The following CELF2 variants were observed in gnomAD, a reference collection of about 807,000 sequenced individuals.
CELF2 encodes the protein CUGBP Elav-like family member 2.
CELF2 carries 8 observed loss-of-function variants against 62.6 expected under a neutral mutation model. That is an observed-to-expected ratio of 0.13 (90% CI 0.07 to 0.23). The LOEUF (loss-of-function observed/expected upper bound fraction) is 0.23, where lower values mean the gene tolerates loss of function less well. Among genes scored for constraint, CELF2 ranks in the 10% least tolerant of loss-of-function variants. The pLI is 1.00. For missense variants in CELF2, 333 were observed against 671.0 expected (o/e 0.50, Z 5.56); for synonymous variants, 258 against 250.0 (o/e 1.03, Z -0.30).
At chr10:10,541,801 C>G in the CELF2 span, among the ~76,000 whole-genome samples, 1 of 152,110 alleles carries the variant, frequency 6.6e-6, no homozygotes, top group Non-Finnish European at 1.5e-5. Context: ...TCTTGGTGAC[C>G]TGTATCTTGT....
chr10:10,564,755 G>C, the CELF2 span, among the ~76,000 whole-genome samples: 1 of 150,058 alleles, frequency 6.7e-6, no homozygotes, highest in Non-Finnish European at 1.5e-5. Flanking sequence ...GCAAACCCAG[G>C]CTTGGGTTCC....
chr10:11,046,750 T>G lies in CELF2; in HGVS notation c.74+28587T>G, dbSNP rs894851720. ...AGAGTTTTTGTAAATCCCATGTCTTTAATCTCATTTCGCTATTTCTCAACA... is the reference window on the plus strand; with the variant it reads ...AGAGTTTTTGTAAATCCCATGTCTTGAATCTCATTTCGCTATTTCTCAACA... On this transcript the variant is annotated intron_variant, in intron 1 of 12. Coordinates refer to ENST00000633077, the MANE Select transcript of CELF2 (RefSeq NM_001326342.2). This position sits in a 1 kb window ranked among gnomAD's most constrained non-coding sequence, Gnocchi z 4.6. Among the ~76,000 whole-genome samples, 1 of 152,218 alleles carries G rather than the reference T, an allele frequency of 6.6e-6. No homozygotes were observed. Among genetic ancestry groups the G allele is most frequent in the African/African-American group, 2.4e-5 (1 of 41,464 alleles).
chr10:10,630,005 C>G, the CELF2 span, among the ~76,000 whole-genome samples: 4 of 152,060 alleles, frequency 2.6e-5, no homozygotes, highest in South Asian at 8.3e-4. Flanking sequence ...TCTGCGTTCT[C>G]CCACTTCAGA....
chr10:11,006,818 T>C lies in CELF2; in HGVS notation c.53+1378T>C, dbSNP rs542541977. On this transcript the variant is annotated intron_variant, in intron 1 of 12. Coordinates refer to the CELF2 transcript ENST00000416382. ...TTTTTGATTTATGCTTATGTCCTTA[T>C]AAAATGCCTTTCTATGCAGGGCAAA... is the stretch of plus-strand genomic sequence containing the variant. Among the ~76,000 whole-genome samples the C allele has an allele frequency of 1.1e-3, 172 of 152,376 alleles. 1 individual carries two copies. Among genetic ancestry groups the C allele is most frequent in the African/African-American group, 3.5e-3 (145 of 41,592 alleles).
intron 9 of CELF2, among the ~76,000 whole-genome samples, chr10:11,295,081 A>C (rs7089585): frequency 0.036 from 5,545 of 152,276 alleles, 361 homozygotes; most frequent in African/African-American, 0.13. Flanking sequence ...GCTTTTCTGA[A>C]AATTGTCTTC....
intron 8 of CELF2, among the ~76,000 whole-genome samples, chr10:11,275,984 T>C (rs953845948): frequency 1.3e-5 from 2 of 152,216 alleles, no homozygotes; most frequent in African/African-American, 4.8e-5. Context: ...TTTTGGCATA[T>C]TAGAACCAAG....
chr10:10,784,337 C>G, the CELF2 span: 1 of 152,428 alleles, frequency 6.6e-6, no homozygotes, highest in Non-Finnish European at 1.5e-5. Context: ...ACAGTGCTAG[C>G]CTTGTTGTCC....
intron 2 of CELF2, among the ~76,000 whole-genome samples, chr10:11,206,719 G>T (rs2060513514): frequency 6.6e-6 from 1 of 152,212 alleles, no homozygotes; most frequent in South Asian, 2.1e-4. Context: ...CTTACCTTCA[G>T]AGAAAAATAT....
the CELF2 span, among the ~76,000 whole-genome samples, chr10:10,534,989 T>A: frequency 1.3e-5 from 2 of 152,188 alleles, no homozygotes; most frequent in Non-Finnish European, 2.9e-5. Flanking sequence ...AAGAAAAAAA[T>A]GAATTTTCTG....
chr10:11,271,642 C>T (rs1444369805), intron 7 of CELF2, among the ~76,000 whole-genome samples: 1 of 152,140 alleles, frequency 6.6e-6, no homozygotes, highest in African/African-American at 2.4e-5. Flanking sequence ...AACATAAGTG[C>T]TGGACTTCAC....
At chr10:10,905,576 T>C in intron 1 of CELF2, among the ~76,000 whole-genome samples, 1 of 123,600 alleles carries the variant, frequency 8.1e-6, no homozygotes, top group African/African-American at 3.1e-5. Context: ...AACCCCCATC[T>C]CTACTTAAAA....
chr10:11,051,898 A>G (rs1049823149), intron 1 of CELF2, among the ~76,000 whole-genome samples: 1 of 136,186 alleles, frequency 7.3e-6, no homozygotes, highest in African/African-American at 2.9e-5. Flanking sequence ...TGTATTGTTA[A>G]TACTTTTTTT....
intron 1 of CELF2, among the ~76,000 whole-genome samples, chr10:11,152,823 T>C (rs2063581513): frequency 6.6e-6 from 1 of 152,194 alleles, no homozygotes; most frequent in Non-Finnish European, 1.5e-5. Context: ...CCTGTTTGGC[T>C]GTGGAATAGG....
chr10:10,792,541 C>T, the CELF2 span: 5 of 397,184 alleles, frequency 1.3e-5, no homozygotes, highest in African/African-American at 1.0e-4. Flanking sequence ...TGTAAGCACA[C>T]AAAAACCAGA....
the CELF2 span, among the ~76,000 whole-genome samples, chr10:10,674,553 A>G: frequency 6.6e-6 from 1 of 152,050 alleles, no homozygotes; most frequent in Non-Finnish European, 1.5e-5. Flanking sequence ...TGTCTACCAT[A>G]TTTGTTACTA....
the CELF2 span, among the ~76,000 whole-genome samples, chr10:10,556,035 A>T: frequency 1.9e-4 from 29 of 151,856 alleles, no homozygotes; most frequent in South Asian, 8.3e-4. Context: ...ACATTTTAAA[A>T]TTTTTTTTTA....
At chr10:10,737,928 G>A in the CELF2 span, among the ~76,000 whole-genome samples, 1 of 152,170 alleles carries the variant, frequency 6.6e-6, no homozygotes, top group African/African-American at 2.4e-5. Flanking sequence ...AGAAGAAAAG[G>A]CAAACTCTTT....
At chr10:10,796,847 A>C, upstream of CELF2, 1 of 979,698 alleles carries the variant, frequency 1.0e-6, no homozygotes, top group Non-Finnish European at 1.2e-6. Context: ...TCACAGTGGG[A>C]TAACACAGCC....
intron 2 of CELF2, among the ~76,000 whole-genome samples, chr10:10,973,700 G>A (rs2051016783): frequency 6.6e-6 from 1 of 152,156 alleles, no homozygotes; most frequent in Admixed American, 6.5e-5. Context: ...CTGAGTAGCT[G>A]AGAGTACAGG....
Sources: gnomAD v4.1 joint callset for allele counts (sites outside exome capture counted in the v4.1 genomes callset) on GRCh38, gnomAD v4.1.1 for gene constraint, Gnocchi (gnomAD v3.1) non-coding constraint, MANE v1.5 for transcripts, NCBI Gene and HGNC (gene_info 2026-07-23, HGNC 2026-07-21) for gene names.